AKAP19: variants seen among roughly 807,000 people sequenced by gnomAD.
AKAP19 encodes small A-kinase anchoring protein.
the AKAP19 span, among the ~76,000 whole-genome samples, chr2:189,895,490 A>G: frequency 6.6e-6 from 1 of 152,134 alleles, no homozygotes; most frequent in Non-Finnish European, 1.5e-5. Context: ...TTCTAGTACT[A>G]CTGGAGCCTA....
At chr2:190,159,618 G>A in the AKAP19 span, among the ~76,000 whole-genome samples, 1 of 152,098 alleles carries the variant, frequency 6.6e-6, no homozygotes, top group South Asian at 2.1e-4. Context: ...TCGTCCCTAA[G>A]GTCCTTGGCT....
At chr2:190,186,752 A>G in the AKAP19 span, among the ~76,000 whole-genome samples, 1 of 152,346 alleles carries the variant, frequency 6.6e-6, no homozygotes, top group African/African-American at 2.4e-5. The surrounding 1 kb of genome is among the most constrained non-coding windows in gnomAD (Gnocchi z 5.5). Context: ...GAGCCCTACA[A>G]GAAAGTATAT....
At chr2:189,976,346 C>G in the AKAP19 span, among the ~76,000 whole-genome samples, 2 of 152,218 alleles carry the variant, frequency 1.3e-5, no homozygotes, top group African/African-American at 4.8e-5. Flanking sequence ...AAAGCTTCGT[C>G]TCAGGGGGGT....
chr2:190,102,530 A>T, the AKAP19 span, among the ~76,000 whole-genome samples: 17 of 151,866 alleles, frequency 1.1e-4, no homozygotes, highest in African/African-American at 4.1e-4. Flanking sequence ...AGAAATACAA[A>T]AGATTCTCAG....
chr2:189,942,497 A>C, the AKAP19 span, among the ~76,000 whole-genome samples: 2 of 152,174 alleles, frequency 1.3e-5, no homozygotes. Context: ...GAAAATTGGT[A>C]CCAGAAGTGG....
At chr2:190,062,329 G>T in the AKAP19 span, 1 of 1,613,370 alleles carries the variant, frequency 6.2e-7, no homozygotes, top group Non-Finnish European at 8.5e-7. Context: ...TGATCAATCA[G>T]TTCCCGGAGT....
the AKAP19 span, among the ~76,000 whole-genome samples, chr2:190,110,830 T>C: frequency 1.3e-5 from 2 of 152,150 alleles, no homozygotes; most frequent in South Asian, 2.1e-4. Flanking sequence ...GTGTTACCCA[T>C]CTCTGAGAAT....
chr2:190,153,062 A>AT, the AKAP19 span, among the ~76,000 whole-genome samples: 1 of 152,020 alleles, frequency 6.6e-6, no homozygotes, highest in South Asian at 2.1e-4. Context: ...CGCCCGGCTA[A>AT]TTTTTTGTAA....
the AKAP19 span, among the ~76,000 whole-genome samples, chr2:189,959,989 A>G: frequency 6.6e-6 from 1 of 152,188 alleles, no homozygotes; most frequent in Non-Finnish European, 1.5e-5. Flanking sequence ...ATAGGGAAAC[A>G]CCAGTGAGCC....
At chr2:190,143,374 T>C in the AKAP19 span, among the ~76,000 whole-genome samples, 1 of 152,066 alleles carries the variant, frequency 6.6e-6, no homozygotes, top group Non-Finnish European at 1.5e-5. Context: ...GTCCCCTCTT[T>C]CCAGGATCAC....
the AKAP19 span, among the ~76,000 whole-genome samples, chr2:190,138,559 T>C: frequency 2.0e-5 from 3 of 152,176 alleles, no homozygotes; most frequent in Non-Finnish European, 4.4e-5. Context: ...TGCTGAGAAG[T>C]CTCATCCACT....
At chr2:190,065,804 T>G in the AKAP19 span, among the ~76,000 whole-genome samples, 1 of 152,122 alleles carries the variant, frequency 6.6e-6, no homozygotes, top group African/African-American at 2.4e-5. Flanking sequence ...CTAATCAACT[T>G]CTCTAGAGAA....
chr2:189,949,819 A>G, the AKAP19 span, among the ~76,000 whole-genome samples: 7 of 151,080 alleles, frequency 4.6e-5, no homozygotes, highest in Non-Finnish European at 8.9e-5. Flanking sequence ...TTTAGTAGAG[A>G]TGGGGTTTCA....
chr2:190,073,258 A>G, the AKAP19 span, among the ~76,000 whole-genome samples: 1 of 152,178 alleles, frequency 6.6e-6, no homozygotes, highest in Non-Finnish European at 1.5e-5. Context: ...AAACACAACC[A>G]GGAAGAAAGT....
At chr2:190,169,885 G>T in the AKAP19 span, among the ~76,000 whole-genome samples, 1 of 152,186 alleles carries the variant, frequency 6.6e-6, no homozygotes, top group Admixed American at 6.5e-5. Flanking sequence ...ACTGGTACAG[G>T]TTGTTTTGAA....
chr2:190,153,359 A>C, the AKAP19 span, among the ~76,000 whole-genome samples: 1 of 152,206 alleles, frequency 6.6e-6, no homozygotes, highest in African/African-American at 2.4e-5. Flanking sequence ...GAAAATATAG[A>C]AATATATTTT....
chr2:190,173,892 C>A, the AKAP19 span, among the ~76,000 whole-genome samples: 1 of 152,144 alleles, frequency 6.6e-6, no homozygotes, highest in Non-Finnish European at 1.5e-5. Flanking sequence ...TAAAGTCTGA[C>A]TTTCTTGTTC....
the AKAP19 span, among the ~76,000 whole-genome samples, chr2:190,002,533 A>G: frequency 6.6e-6 from 1 of 152,156 alleles, no homozygotes; most frequent in Non-Finnish European, 1.5e-5. Flanking sequence ...CCTAAAACTT[A>G]AAGTATAATA....
chr2:190,012,322 A>C, the AKAP19 span, among the ~76,000 whole-genome samples: 2 of 152,026 alleles, frequency 1.3e-5, no homozygotes, highest in African/African-American at 2.4e-5. Context: ...ACAGTTTTGC[A>C]TACAGATATT....
Sources: allele counts gnomAD v4.1 joint callset (sites outside exome capture counted in the v4.1 genomes callset), GRCh38; gene constraint gnomAD v4.1.1; non-coding constraint Gnocchi (gnomAD v3.1); transcripts MANE v1.5; gene names NCBI Gene and HGNC (gene_info 2026-07-23, HGNC 2026-07-21).